POLRMT: variants seen among roughly 807,000 people sequenced by gnomAD.
The protein encoded by POLRMT is DNA-directed RNA polymerase, mitochondrial.
POLRMT carries 114 observed loss-of-function variants against 132.2 expected under a neutral mutation model. The ratio of observed to expected loss-of-function variants is 0.86; its 90% CI spans 0.74 to 1.01. The LOEUF is 1.01. POLRMT is among the 50% of genes least tolerant of loss of function. The probability of loss-of-function intolerance (pLI) is 0.00; values close to 1 mark genes in which losing one functional copy is unlikely to be tolerated. For synonymous variants in POLRMT, 1,020 were observed against 773.4 expected, an observed-to-expected ratio of 1.32 and a Z score of -5.29; for missense variants, 2,003 against 1,729.1, an observed-to-expected ratio of 1.16 and a Z score of -2.81.
In POLRMT at chr19:619,777, G is replaced by T; in HGVS notation, c.2887-12C>A. Reference sequence around the variant, plus strand: ...CGGAACACCTCCACCTGCACGGCGGGTGGGCCGGGGGCGCGGGTCAGCCCC... The same window carrying T: ...CGGAACACCTCCACCTGCACGGCGGTTGGGCCGGGGGCGCGGGTCAGCCCC... On this transcript the variant is annotated splice_polypyrimidine_tract_variant and intron_variant, in intron 12 of 20. Transcript: ENST00000588649. 3 of 1,556,690 alleles carry T rather than the reference G, an allele frequency of 1.9e-6. No individual in the cohort carries two copies. Among genetic ancestry groups the T allele is most frequent in the Non-Finnish European group, 1.7e-6 (2 of 1,151,522 alleles).
rs1208638769 is a variant in POLRMT at position 622,388 on chromosome 19, G to A, written c.1627-15C>T. ...GGCTCGGGCACCTGTAGGACAGGGC[G>A]GTCAGGGCGCTGGGCACCGGGGCCC... On this transcript the variant is annotated splice_polypyrimidine_tract_variant and intron_variant, in intron 8 of 20. Transcript: ENST00000588649. The A allele has an allele frequency of 9.1e-6, 14 of 1,536,376 alleles. No individual in the cohort carries two copies. Among genetic ancestry groups the A allele is most frequent in the East Asian group, 2.5e-5 (1 of 40,740 alleles).
At chr19:631,536 G>A (rs919758100) in intron 2 of POLRMT, among the ~76,000 whole-genome samples, 1 of 152,060 alleles carries the variant, frequency 6.6e-6, no homozygotes, top group Non-Finnish European at 1.5e-5. Context: ...CTACTCGGGA[G>A]GTTGAGGCAG....
chr19:623,385 C>T (rs1568170476), intron 6 of POLRMT, 69 bp downstream of exon 6: 11 of 1,579,280 alleles, frequency 7.0e-6, no homozygotes, highest in Non-Finnish European at 9.4e-6. Flanking sequence ...CCCGGCTCAG[C>T]CCGTGCGGTG....
In POLRMT at chr19:621,073, C is replaced by T. The variant is rs1304822366; in HGVS notation, c.2625G>A (p.Ala875=). 14 of 1,606,786 alleles carry T rather than the reference C, an allele frequency of 8.7e-6. 1 individual carries two copies. The highest frequency in any genetic ancestry group is 2.2e-5 in the South Asian group (2 of 90,574). The change falls in exon 10 of 21, where the codon GCG becomes GCA. Residue 875 remains alanine, a synonymous_variant. Coordinates refer to ENST00000588649, the MANE Select transcript of POLRMT (RefSeq NM_005035.4). The part of the protein sequence containing the change: ...EEVMDDILDS[A]DQPLTGRKWW... The stretch of plus-strand genomic sequence containing the variant: ...CCGCCCCTACCGTCAAGGGTTGGTC[C>T]GCGGAGTCCAGGATGTCATCCATCA...
intron 18 of POLRMT, 51 bp downstream of exon 18, chr19:617,726 A>G: frequency 1.2e-6 from 2 of 1,611,062 alleles, no homozygotes; most frequent in African/African-American, 2.7e-5. Flanking sequence ...CCAACGCCCC[A>G]GTGTGGGGGC....
At chr19:617,921 T>C in intron 17 of POLRMT, 72 bp from the exon 18 acceptor site, 2 of 1,427,932 alleles carry the variant, frequency 1.4e-6, no homozygotes, top group South Asian at 1.2e-5. Context: ...ATCCTGGCCC[T>C]GCGCTCAGCC....
chr19:618,971 G>T, intron 15 of POLRMT, 26 bp downstream of exon 15: 1 of 1,518,898 alleles, frequency 6.6e-7, no homozygotes, highest in Non-Finnish European at 8.9e-7. Flanking sequence ...GTGGCACACT[G>T]GGGAGGGATG....
At chr19:618,936 ACTGGGACG>A (rs1984256339) in intron 15 of POLRMT, 53 bp downstream of exon 15, 2 of 1,419,688 alleles carry the variant, frequency 1.4e-6, no homozygotes, top group African/African-American at 1.4e-5. Context: ...GCACTGGTAC[ACTGGGACG>A]CTGTTACACT....
chr19:619,852 C>T, intron 12 of POLRMT, 87 bp from the exon 13 acceptor site: 5 of 1,563,076 alleles, frequency 3.2e-6, no homozygotes, highest in Non-Finnish European at 4.3e-6. Context: ...CGCCCCAGCC[C>T]CACCACATCC....
chr19:630,759 A>G (rs937017597), intron 2 of POLRMT, among the ~76,000 whole-genome samples: 1 of 152,198 alleles, frequency 6.6e-6, no homozygotes, highest in African/African-American at 2.4e-5. Flanking sequence ...CTGAGCCACT[A>G]GCTCGCAGGG....
chr19:618,895 C>T (rs576986218), intron 15 of POLRMT, 102 bp downstream of exon 15: 24 of 1,343,406 alleles, frequency 1.8e-5, no homozygotes, highest in African/African-American at 1.0e-4. Context: ...CACACTGGGG[C>T]GGTGGTACAC....
Position 629,733 on chromosome 19 carries a change from G to C in POLRMT, c.629C>G (p.Pro210Arg). The change falls in exon 3 of 21, where the codon CCG (proline) becomes CGG (arginine). Residue 210 changes from proline (P) to arginine (R), a missense_variant. Physicochemically the swap from Pro to Arg is moderately radical, Grantham distance 103. Coordinates refer to ENST00000588649, the MANE Select transcript of POLRMT (RefSeq NM_005035.4). Reference sequence around the variant, plus strand: ...CTGGGCCTGCGAGTGCTGCCCCGACGGGGCCTGCTCCACATCGAGGCTCAG... The same window carrying C: ...CTGGGCCTGCGAGTGCTGCCCCGACCGGGCCTGCTCCACATCGAGGCTCAG... Reference protein sequence around the residue: ...GKLSLDVEQAPSGQHSQAQLS... With the variant: ...GKLSLDVEQARSGQHSQAQLS... 6.3e-7 allele frequency: 1 copy of C among 1,584,360 alleles called. No individual in the cohort carries two copies. The highest frequency in any genetic ancestry group is 2.3e-5 in the East Asian group (1 of 44,414).
At chr19:623,156 T>C (rs1189013570) in intron 6 of POLRMT, among the ~76,000 whole-genome samples, 171 bp from the exon 7 acceptor site, 1 of 152,156 alleles carries the variant, frequency 6.6e-6, no homozygotes, top group African/African-American at 2.4e-5. Flanking sequence ...TCAGCGTGCC[T>C]GACGCAGCCA....
intron 18 of POLRMT, 50 bp from the exon 19 acceptor site, chr19:617,705 A>C: frequency 1.9e-6 from 3 of 1,611,548 alleles, no homozygotes; most frequent in Non-Finnish European, 1.7e-6. Context: ...GGCTCTGGGC[A>C]CCACCCCTAC....
rs761559643 is a variant in POLRMT, at chr19:618,579, T to G, written c.3331A>C (p.Asn1111His). The change falls in exon 17 of 21, where the codon AAC (asparagine) becomes CAC (histidine). Residue 1111 changes from asparagine to histidine, a missense_variant. Asn to His is a moderately conservative substitution (Grantham distance 68, BLOSUM62 1). Coordinates refer to ENST00000588649, the MANE Select transcript of POLRMT (RefSeq NM_005035.4). The part of the protein sequence containing the change: ...THNGDISRKP[N>H]TRKQKNGFPP... Reference sequence around the variant, plus strand: ...AAGCCGTTCTTCTGCTTACGTGTGTTGGGCTTTCTGAGGACGGAACAGGTG... The same window carrying G: ...AAGCCGTTCTTCTGCTTACGTGTGTGGGGCTTTCTGAGGACGGAACAGGTG... 5 of 1,612,532 alleles carry G rather than the reference T, an allele frequency of 3.1e-6. No homozygotes were observed. Among genetic ancestry groups the G allele is most frequent in the South Asian group, 1.1e-5 (1 of 90,980 alleles).
chr19:617,569 C>T lies in POLRMT; in HGVS notation c.3581+1G>A. The T allele has an allele frequency of 1.2e-6, 2 of 1,611,690 alleles. No homozygotes were observed. The highest frequency in any genetic ancestry group is 1.7e-6 in the Non-Finnish European group (2 of 1,179,968). Reference sequence around the variant, plus strand: ...GTAGTTGGGGTCAGGGAGCGCCTTACTCAGAGCAGAACCGCTTGACCAGGA... The same window carrying T: ...GTAGTTGGGGTCAGGGAGCGCCTTATTCAGAGCAGAACCGCTTGACCAGGA... On this transcript the variant is annotated splice_donor_variant, in intron 19 of 20. Coordinates refer to ENST00000588649, the MANE Select transcript of POLRMT (RefSeq NM_005035.4). LOFTEE classifies it high-confidence loss of function.
At chr19:630,713 A>C (rs999876135) in intron 2 of POLRMT, among the ~76,000 whole-genome samples, 4 of 151,866 alleles carry the variant, frequency 2.6e-5, no homozygotes, top group Admixed American at 2.6e-4. Context: ...TGCCACACAC[A>C]CACTCCTAGG....
intron 17 of POLRMT, 187 bp from the exon 18 acceptor site, chr19:618,036 G>A: frequency 1.2e-5 from 7 of 600,688 alleles, no homozygotes; most frequent in South Asian, 6.0e-5. Flanking sequence ...TACAGGGGGA[G>A]GAAATGTTCC....
chr19:617,386 G>T lies in POLRMT; in HGVS notation c.3643+33C>A, dbSNP rs62132648. The T allele has an allele frequency of 6.2e-6, 10 of 1,612,108 alleles. No homozygotes were observed. In the African/African-American group the frequency reaches 1.2e-4, roughly 19 times the overall value. Reference sequence around the variant, plus strand: ...AAAGCCCCGCCCTGGCCCGCAGTTCGAGCCACCCTTGCGAGGCTGCCCACC... The same window carrying T: ...AAAGCCCCGCCCTGGCCCGCAGTTCTAGCCACCCTTGCGAGGCTGCCCACC... On this transcript the variant is annotated intron_variant, in intron 20 of 20. Coordinates refer to ENST00000588649, the MANE Select transcript of POLRMT (RefSeq NM_005035.4).
Sources: allele counts gnomAD v4.1 joint callset (sites outside exome capture counted in the v4.1 genomes callset), GRCh38; gene constraint gnomAD v4.1.1; transcripts MANE v1.5; gene names NCBI Gene and HGNC (gene_info 2026-07-23, HGNC 2026-07-21).